CDKL1: variants seen among roughly 807,000 people sequenced by gnomAD.
CDKL1 encodes the protein cyclin-dependent kinase-like 1.
Under a neutral mutation model 42.0 loss-of-function variants are expected in CDKL1, and 41 were observed. The observed-to-expected ratio is 0.98, with a 90% CI of 0.76 to 1.27. The LOEUF is 1.27. Among genes scored for constraint, CDKL1 ranks in the 50% most tolerant of loss-of-function variants. The pLI, the probability that CDKL1 is intolerant of heterozygous loss-of-function variation, is 0.00. For synonymous variants in CDKL1, 153 were observed against 158.6 expected (o/e 0.96, Z 0.26); for missense variants, 394 against 428.4 (o/e 0.92, Z 0.71).
In CDKL1 at chr14:50,390,397, C is replaced by T. The variant is rs563941680; in HGVS notation, c.168+5304G>A. 78 of 1,351,604 alleles carry T rather than the reference C, an allele frequency of 5.8e-5. No homozygotes were observed. The East Asian group carries it at 3.6e-3, about 62-fold the overall frequency. The allele number at this position is 1,351,604 out of a possible 1,614,324, so 83.7% of individuals were successfully genotyped here. A position where few individuals can be genotyped will look rare whatever the true frequency, so the allele number is the denominator to read the frequency against. On this transcript the variant is annotated intron_variant, in intron 2 of 9. Coordinates refer to ENST00000395834, the MANE Select transcript of CDKL1 (RefSeq NM_004196.7). ...TGCTGGCAGAAATTCTTTCTTTCCTCTTCTTACCATTTTCATTCCACAGAG... is the reference window on the plus strand; with the variant it reads ...TGCTGGCAGAAATTCTTTCTTTCCTTTTCTTACCATTTTCATTCCACAGAG...
intron 2 of CDKL1, chr14:50,363,260 CAAG>C (rs1435707960): frequency 5.1e-6 from 1 of 196,676 alleles, no homozygotes; most frequent in African/African-American, 2.3e-5. Flanking sequence ...TCAGTGAGAC[CAAG>C]AACCCACCAA....
chr14:50,334,453 A>C (rs2033142881), intron 8 of CDKL1, 112 bp downstream of exon 8: 2 of 742,894 alleles, frequency 2.7e-6, no homozygotes, highest in Non-Finnish European at 2.4e-6. Flanking sequence ...AGCCAGGAGA[A>C]GAATTCTAAA....
rs899655169 is a variant in CDKL1, at chr14:50,396,821, C to T, written c.-462+3G>A. ...CGCGCCTCCTTGCCCGCCCGGGACT[C>T]ACGGCGCCGCGGCGGTCAGGGACGG... On this transcript the variant is annotated splice_donor_region_variant and intron_variant, in intron 1 of 9. Transcript: ENST00000395834. 3.0e-5 allele frequency: 5 copies of T among 168,670 alleles called. No individual in the cohort carries two copies. The highest frequency in any genetic ancestry group is 1.2e-5 in the Non-Finnish European group (1 of 80,824). The allele number at this position is 168,670 out of a possible 1,614,324, so 10.4% of individuals were successfully genotyped here. A position where few individuals can be genotyped will look rare whatever the true frequency, so the allele number is the denominator to read the frequency against.
intron 2 of CDKL1, among the ~76,000 whole-genome samples, chr14:50,383,561 A>G (rs1420699494): frequency 1.7e-5 from 1 of 58,962 alleles, no homozygotes; most frequent in East Asian, 4.3e-4. Flanking sequence ...AAAAAAAAAA[A>G]AAAACAAACA....
chr14:50,396,391 G>C (rs946963592), intron 1 of CDKL1, 62 bp from the exon 2 acceptor site: 8 of 985,670 alleles, frequency 8.1e-6, no homozygotes, highest in Non-Finnish European at 8.4e-6. Context: ...ATGGCAACGC[G>C]ATCAGGAGTA....
intron 2 of CDKL1, chr14:50,376,385 G>T: frequency 2.1e-6 from 1 of 471,054 alleles, no homozygotes; most frequent in Middle Eastern, 3.2e-4. Context: ...AAGCATCATT[G>T]CATAAAAATA....
At chr14:50,366,280 T>A (rs566347996) in intron 2 of CDKL1, among the ~76,000 whole-genome samples, 1 of 152,008 alleles carries the variant, frequency 6.6e-6, no homozygotes, top group South Asian at 2.1e-4. Context: ...TTGAGCCGAG[T>A]CTAGAGGGTA....
chr14:50,358,638 T>TTTTTTTTTTTTTG, intron 3 of CDKL1, among the ~76,000 whole-genome samples: 1 of 104,364 alleles, frequency 9.6e-6, no homozygotes, highest in Non-Finnish European at 1.9e-5. Flanking sequence ...TAACTAGTCT[T>TTTTTTTTTTTTTG]TTTTTTTTTT....
intron 3 of CDKL1, among the ~76,000 whole-genome samples, chr14:50,349,791 C>T (rs1595296525): frequency 6.6e-6 from 1 of 151,846 alleles, no homozygotes; most frequent in Admixed American, 6.6e-5. Flanking sequence ...TTTTTTGAGA[C>T]GTTGTCTCCC....
intron 5 of CDKL1, among the ~76,000 whole-genome samples, chr14:50,341,449 G>T (rs976813028): frequency 8.4e-6 from 1 of 118,486 alleles, no homozygotes; most frequent in African/African-American, 4.3e-5. Context: ...AATCCCTGGG[G>T]AGGGTCTGGG....
chr14:50,379,321 CTGAT>C (rs2034835631), intron 2 of CDKL1, among the ~76,000 whole-genome samples: 1 of 152,122 alleles, frequency 6.6e-6, no homozygotes, highest in African/African-American at 2.4e-5. Flanking sequence ...GACCTACCAC[CTGAT>C]TATGTTTCCT....
rs541540199 is a variant in CDKL1, at chr14:50,375,825, T to A, written c.169-16676A>T. On this transcript the variant is annotated intron_variant, in intron 2 of 9. Coordinates refer to ENST00000395834, the MANE Select transcript of CDKL1 (RefSeq NM_004196.7). ...AAAAAAAAATAGCGGTAAGTCATGT[T>A]GATAGTATGTACACTTGATGGGATG... 3.9e-5 allele frequency among the ~76,000 whole-genome samples: 6 copies of A among 151,978 alleles called. No individual in the cohort carries two copies. The South Asian group carries it at 1.2e-3, about 32-fold the overall frequency.
chr14:50,331,988 C>A, intron 9 of CDKL1: 1 of 1,505,636 alleles, frequency 6.6e-7, no homozygotes, highest in Non-Finnish European at 8.8e-7. Flanking sequence ...TGGACTCATA[C>A]TCATGTACCT....
At chr14:50,378,338 A>C (rs1372103856) in intron 2 of CDKL1, 2 of 1,366,396 alleles carry the variant, frequency 1.5e-6, no homozygotes, top group South Asian at 1.1e-5. Context: ...TTGCTCTGCG[A>C]GGAAATAACT....
At chr14:50,350,783 C>T (rs376135444) in intron 3 of CDKL1, among the ~76,000 whole-genome samples, 2 of 152,204 alleles carry the variant, frequency 1.3e-5, no homozygotes, top group East Asian at 3.9e-4. Flanking sequence ...CTCAAGAAGG[C>T]ACTTCCATAG....
intron 2 of CDKL1, among the ~76,000 whole-genome samples, chr14:50,386,620 T>C (rs1313584478): frequency 2.6e-5 from 4 of 152,196 alleles, no homozygotes; most frequent in Non-Finnish European, 5.9e-5. Context: ...TTCTGATTTC[T>C]GGCTTTTTAA....
chr14:50,378,420 G>C (rs749850692), intron 2 of CDKL1: 5 of 1,366,294 alleles, frequency 3.7e-6, no homozygotes, highest in South Asian at 1.1e-5. Context: ...CGTGATAGTA[G>C]TAAAATGTAA....
In CDKL1 at chr14:50,357,915, G is replaced by A. The variant is rs139370352; in HGVS notation, c.290+1113C>T. On this transcript the variant is annotated intron_variant, in intron 3 of 9. Transcript: ENST00000395834. ...AAGCTTATTTGCAAGGCACAATGAA[G>A]AAGAATTAGGGCTGGGAGAGAGTGA... 4.4e-5 allele frequency: 22 copies of A among 495,332 alleles called. No homozygotes were observed. The East Asian group carries it at 1.3e-3, about 28-fold the overall frequency. 30.7% of individuals were successfully genotyped at this position (495,332 alleles called of 1,614,324 possible).
At chr14:50,375,685 T>A (rs1489486557) in intron 2 of CDKL1, among the ~76,000 whole-genome samples, 1 of 152,028 alleles carries the variant, frequency 6.6e-6, no homozygotes, top group Non-Finnish European at 1.5e-5. Context: ...TAATCCCAGC[T>A]ACTTGGGAGG....
Sources: gnomAD v4.1 joint callset for allele counts (sites outside exome capture counted in the v4.1 genomes callset) on GRCh38, gnomAD v4.1.1 for gene constraint, MANE v1.5 for transcripts, NCBI Gene and HGNC (gene_info 2026-07-23, HGNC 2026-07-21) for gene names.